NEXN: variants seen among roughly 807,000 people sequenced by gnomAD.
NEXN encodes the protein nexilin.
In NEXN, 65 loss-of-function variants were observed where a neutral mutation model predicts 92.6. The ratio of observed to expected loss-of-function variants is 0.70; its 90% CI spans 0.57 to 0.86. NEXN has a LOEUF of 0.86. Ranked by LOEUF, NEXN falls within the 40% of genes least tolerant of loss-of-function variation. NEXN has a pLI of 0.00. For missense variants in NEXN, 778 were observed against 771.1 expected (o/e 1.01, Z -0.11); for synonymous variants, 254 against 242.5 (o/e 1.05, Z -0.44).
At chr1:77,894,487 C>T (rs1647177860) in intron 1 of NEXN, among the ~76,000 whole-genome samples, 1 of 152,034 alleles carries the variant, frequency 6.6e-6, no homozygotes, top group Non-Finnish European at 1.5e-5. Flanking sequence ...TTCACCCAGG[C>T]TAGAGTGCAG....
Position 77,926,348 on chromosome 1 carries a change from G to C in NEXN, c.490-66G>C. On this transcript the variant is annotated intron_variant, in intron 6 of 12. Coordinates refer to ENST00000334785, the MANE Select transcript of NEXN (RefSeq NM_144573.4). ...GTAATGAAATTCACCTATGATGGAG[G>C]TAAAGTCCCATGAAACCCAATTTTG... 3 of 1,086,560 alleles carry C rather than the reference G, an allele frequency of 2.8e-6. No homozygotes were observed. The South Asian group carries it at 4.2e-5, about 15-fold the overall frequency. The allele number at this position is 1,086,560 out of a possible 1,614,324, so 67.3% of individuals were successfully genotyped here. A position where few individuals can be genotyped will look rare whatever the true frequency, so the allele number is the denominator to read the frequency against.
At chr1:77,942,303 T>C in intron 12 of NEXN, 95 bp downstream of exon 12, 3 of 1,436,054 alleles carry the variant, frequency 2.1e-6, no homozygotes, top group Non-Finnish European at 2.9e-6. Flanking sequence ...TTAATGGTTT[T>C]CTTTCAAGTC....
chr1:77,917,045 C>A (rs1006753351), intron 2 of NEXN, among the ~76,000 whole-genome samples: 1 of 152,156 alleles, frequency 6.6e-6, no homozygotes, highest in African/African-American at 2.4e-5. Context: ...CAAATAAGGA[C>A]TAAAGGACTG....
chr1:77,899,409 C>CA (rs1450372930), intron 1 of NEXN, among the ~76,000 whole-genome samples: 1 of 151,874 alleles, frequency 6.6e-6, no homozygotes, highest in African/African-American at 2.4e-5. Context: ...ATCGCAAGGA[C>CA]AAAAAACCAA....
chr1:77,935,794 A>C, intron 10 of NEXN, 29 bp from the exon 11 acceptor site: 2 of 1,586,764 alleles, frequency 1.3e-6, no homozygotes, highest in South Asian at 2.2e-5. Context: ...CAAAAACAGC[A>C]GCAACAAACT....
At chr1:77,909,284 G>T (rs927134334) in intron 1 of NEXN, among the ~76,000 whole-genome samples, 1 of 152,148 alleles carries the variant, frequency 6.6e-6, no homozygotes, top group Non-Finnish European at 1.5e-5. Context: ...GCTGGGCGTA[G>T]TGGGGCATGC....
At chr1:77,930,527 G>A (rs963025103) in intron 9 of NEXN, among the ~76,000 whole-genome samples, 1 of 152,152 alleles carries the variant, frequency 6.6e-6, no homozygotes, top group African/African-American at 2.4e-5. Flanking sequence ...ATTGTGTTTT[G>A]TTACTGTTTT....
At position 77,942,983 on chromosome 1, in the gene NEXN, C is replaced by G; in HGVS notation, c.*154C>G. 9.0e-7 allele frequency: 1 copy of G among 1,111,014 alleles called. No individual in the cohort carries two copies. The highest frequency in any genetic ancestry group is 1.3e-6 in the Non-Finnish European group (1 of 761,586). 68.8% of individuals were successfully genotyped at this position (1,111,014 alleles called of 1,614,324 possible). On this transcript the variant is annotated 3_prime_UTR_variant, in exon 13 of 13. Coordinates refer to ENST00000334785, the MANE Select transcript of NEXN (RefSeq NM_144573.4). ...CTTACTACATCCATCTTTTCTGTGG[C>G]GGGGCCAAAAAAGGAAACCAGGAGT...
intron 5 of NEXN, 128 bp from the exon 6 acceptor site, chr1:77,925,060 A>G: frequency 1.5e-6 from 1 of 656,208 alleles, no homozygotes; most frequent in African/African-American, 1.8e-5. Context: ...AACAACATAA[A>G]CATATTTCAA....
intron 5 of NEXN, 146 bp downstream of exon 5, chr1:77,918,419 T>G (rs1649160332): frequency 1.0e-5 from 10 of 974,684 alleles, no homozygotes; most frequent in Non-Finnish European, 1.6e-5. Context: ...GGCTCACCTC[T>G]GTAATCTCAG....
chr1:77,918,073 T>C, intron 4 of NEXN, 35 bp downstream of exon 4: 4 of 1,612,726 alleles, frequency 2.5e-6, no homozygotes, highest in Non-Finnish European at 3.4e-6. Context: ...TAAATTAAAT[T>C]GCAAAATAGA....
In NEXN at chr1:77,929,403, G is replaced by C. The variant is rs939239215; in HGVS notation, c.952G>C (p.Glu318Gln). 5 of 1,613,694 alleles carry C rather than the reference G, an allele frequency of 3.1e-6. No homozygotes were observed. The highest frequency in any genetic ancestry group is 4.2e-6 in the Non-Finnish European group (5 of 1,179,916). The stretch of plus-strand genomic sequence containing the variant: ...ACTCAAACTCAGTTTTGAAGAAATG[G>C]AAAGGCAAAGAAGAGAAGATGAAAA... ...GKLKLSFEEM[E>Q]RQRREDEKRK... The change falls in exon 9 of 13, where the codon GAA (glutamate) becomes CAA (glutamine). Residue 318 changes from glutamate (E) to glutamine (Q), a missense_variant. Around this residue, in one of 3 missense-constraint regions of NEXN, gnomAD observed 532 missense variants for 476.7 expected, o/e 1.12. Transcript: ENST00000334785.
Position 77,943,586 on chromosome 1 carries a change from T to C in NEXN, c.*757T>C, listed in dbSNP as rs1651586005. The stretch of plus-strand genomic sequence containing the variant: ...CATGTTATTTTTCAAACGTATGTAA[T>C]ATATATTAAATTTATAAAGCAAATT... On this transcript the variant is annotated 3_prime_UTR_variant, in exon 13 of 13. Transcript: ENST00000334785. 1 of 152,056 alleles carries C rather than the reference T, an allele frequency of 6.6e-6. No homozygotes were observed. The highest frequency in any genetic ancestry group is 6.6e-5 in the Admixed American group (1 of 15,252). The allele number at this position is 152,056 out of a possible 1,614,324, so 9.4% of individuals were successfully genotyped here.
chr1:77,920,988 C>A lies in NEXN; in HGVS notation c.447+2715C>A, dbSNP rs1477779029. Among the ~76,000 whole-genome samples, 7 of 152,146 alleles carry A rather than the reference C, an allele frequency of 4.6e-5. No homozygotes were observed. In the East Asian group the frequency reaches 1.3e-3, roughly 29 times the overall value. On this transcript the variant is annotated intron_variant, in intron 5 of 12. Coordinates refer to ENST00000334785, the MANE Select transcript of NEXN (RefSeq NM_144573.4). ...TGTGAATATACTGACACCATGGCTA[C>A]TTAGACAGATTTATCTTTTTCCTAG...
intron 11 of NEXN, among the ~76,000 whole-genome samples, chr1:77,941,193 G>A (rs972566032): frequency 3.3e-5 from 5 of 152,056 alleles, no homozygotes; most frequent in Admixed American, 1.3e-4. Flanking sequence ...TATAAATGGT[G>A]AGATTTCCAA....
chr1:77,941,502 TTG>T (rs1366995178), intron 11 of NEXN, among the ~76,000 whole-genome samples: 1 of 152,160 alleles, frequency 6.6e-6, no homozygotes, highest in African/African-American at 2.4e-5. Flanking sequence ...CTTTCAACAG[TTG>T]TCTCTACCTG....
chr1:77,936,212 AC>A (rs1358749665), intron 11 of NEXN, among the ~76,000 whole-genome samples, 168 bp downstream of exon 11: 3 of 152,250 alleles, frequency 2.0e-5, no homozygotes, highest in Non-Finnish European at 4.4e-5. Context: ...ACTTTGAAAG[AC>A]TAGCATTGTT....
intron 6 of NEXN, among the ~76,000 whole-genome samples, chr1:77,925,754 C>T (rs1649793958): frequency 6.6e-6 from 1 of 152,106 alleles, no homozygotes; most frequent in Admixed American, 6.5e-5. Context: ...CCCAAAACTA[C>T]AGCCCATAAA....
At chr1:77,912,213 A>G (rs77664374) in intron 1 of NEXN, among the ~76,000 whole-genome samples, 1,655 of 152,310 alleles carry the variant, frequency 0.011, 32 homozygotes, top group African/African-American at 0.038. Flanking sequence ...AGTATAAACA[A>G]CTATGAAATT....
Sources: allele counts gnomAD v4.1 joint callset (sites outside exome capture counted in the v4.1 genomes callset), GRCh38; gene constraint gnomAD v4.1.1; regional missense constraint gnomAD v4.1.1; transcripts MANE v1.5; gene names NCBI Gene and HGNC (gene_info 2026-07-23, HGNC 2026-07-21).